UGT1A9: variants seen among roughly 807,000 people sequenced by gnomAD.
UGT1A9 encodes UDP-glucuronosyltransferase 1A9.
Under a neutral mutation model 45.0 loss-of-function variants are expected in UGT1A9, and 35 were observed. That is an observed-to-expected ratio of 0.78 (90% confidence interval 0.59 to 1.03). The LOEUF (loss-of-function observed/expected upper bound fraction) is 1.03, where lower values mean the gene tolerates loss of function less well. UGT1A9 is among the 50% of genes least tolerant of loss of function. The pLI, the probability that UGT1A9 is intolerant of heterozygous loss-of-function variation, is 0.00. For missense variants in UGT1A9, 687 were observed against 666.6 expected, an observed-to-expected ratio of 1.03 and a Z score of -0.34; for synonymous variants, 278 against 250.6, an observed-to-expected ratio of 1.11 and a Z score of -1.03.
At chr2:233,716,354 T>C (rs1201457600) in intron 1 of UGT1A9, among the ~76,000 whole-genome samples, 6 of 152,254 alleles carry the variant, frequency 3.9e-5, no homozygotes, top group Admixed American at 2.6e-4. Context: ...ACAATGTAGA[T>C]ACTTTGTGGG....
At chr2:233,764,552 G>A (rs1387908555) in intron 1 of UGT1A9, among the ~76,000 whole-genome samples, 1 of 152,132 alleles carries the variant, frequency 6.6e-6, no homozygotes, top group East Asian at 1.9e-4. Flanking sequence ...CGTGTGGGAG[G>A]GTGTGCCTGG....
At chr2:233,693,313 A>G (rs370458841) in intron 1 of UGT1A9, 16 of 1,614,100 alleles carry the variant, frequency 9.9e-6, no homozygotes, top group Non-Finnish European at 1.4e-5. Context: ...CTGAGCGATC[A>G]TTCCTAACTG....
At chr2:233,757,533 GGAA>G in intron 1 of UGT1A9, among the ~76,000 whole-genome samples, 1 of 52,410 alleles carries the variant, frequency 1.9e-5, no homozygotes, top group African/African-American at 1.3e-4. Context: ...TTGCCTGTAA[GGAA>G]TATATATATA....
chr2:233,671,917 C>T lies in UGT1A9; in HGVS notation c.-18C>T. On this transcript the variant is annotated 5_prime_UTR_variant, in exon 1 of 5. Transcript: ENST00000354728. ...GAGCTTAGATTCCCAGCTGCTTGCTCTCAGCTGCAGTTCTCTGATGGCTTG... is the reference window on the plus strand; with the variant it reads ...GAGCTTAGATTCCCAGCTGCTTGCTTTCAGCTGCAGTTCTCTGATGGCTTG... 1 of 1,587,944 alleles carries T rather than the reference C, an allele frequency of 6.3e-7. No individual in the cohort carries two copies.
intron 1 of UGT1A9, chr2:233,729,375 G>C: frequency 6.2e-7 from 1 of 1,614,010 alleles, no homozygotes; most frequent in Non-Finnish European, 8.5e-7. Context: ...ATGCCATTTC[G>C]TGGACCCAGG....
intron 1 of UGT1A9, chr2:233,692,834 T>C: frequency 6.2e-6 from 9 of 1,445,768 alleles, no homozygotes; most frequent in East Asian, 2.5e-5. Flanking sequence ...GTGATTAAAA[T>C]GGTTAAATAT....
chr2:233,742,429 C>T (rs1691973913), intron 1 of UGT1A9, among the ~76,000 whole-genome samples: 1 of 151,970 alleles, frequency 6.6e-6, no homozygotes, highest in Non-Finnish European at 1.5e-5. Flanking sequence ...AGCGGTTTTC[C>T]TCCCTGGGTG....
intron 1 of UGT1A9, chr2:233,760,580 A>T (rs1277566287): frequency 6.2e-7 from 1 of 1,614,094 alleles, no homozygotes; most frequent in African/African-American, 1.3e-5. Flanking sequence ...CTCGGGCATA[A>T]TGTTTTTGAG....
At chr2:233,747,498 C>T in intron 1 of UGT1A9, 3 of 1,608,498 alleles carry the variant, frequency 1.9e-6, no homozygotes, top group East Asian at 4.5e-5. Flanking sequence ...TGTGCTGGGC[C>T]ACACTCAACT....
intron 1 of UGT1A9, chr2:233,708,765 C>G (rs961432018): frequency 6.6e-6 from 1 of 152,024 alleles, no homozygotes; most frequent in Admixed American, 6.6e-5. Flanking sequence ...CCCACCCCCC[C>G]CCAAATCAAT....
chr2:233,701,523 C>T (rs1205561473), intron 1 of UGT1A9, among the ~76,000 whole-genome samples: 2 of 152,142 alleles, frequency 1.3e-5, no homozygotes, highest in African/African-American at 4.8e-5. Context: ...CTCTCCACCC[C>T]AAATCAACAG....
intron 1 of UGT1A9, among the ~76,000 whole-genome samples, chr2:233,726,606 T>C (rs1453810186): frequency 1.3e-5 from 2 of 152,194 alleles, no homozygotes; most frequent in Admixed American, 6.5e-5. Flanking sequence ...GTGATTACAC[T>C]GTCCTGCCCA....
chr2:233,685,645 C>T (rs2074748193), intron 1 of UGT1A9, among the ~76,000 whole-genome samples: 1 of 152,174 alleles, frequency 6.6e-6, no homozygotes, highest in Admixed American at 6.5e-5. Flanking sequence ...CGAACATATA[C>T]CAAGGAGAGG....
At chr2:233,760,338 G>C (rs753493472) in intron 1 of UGT1A9, 4 of 1,614,036 alleles carry the variant, frequency 2.5e-6, no homozygotes, top group Admixed American at 1.7e-5. Context: ...GCCTGCTGCT[G>C]TGTGTGCTGG....
chr2:233,729,990 T>G, intron 1 of UGT1A9: 1 of 1,614,036 alleles, frequency 6.2e-7, no homozygotes, highest in East Asian at 2.2e-5. Flanking sequence ...AGCCACTATC[T>G]CAGGTCTGTA....
intron 1 of UGT1A9, chr2:233,682,690 G>T: frequency 3.1e-6 from 5 of 1,613,814 alleles, no homozygotes; most frequent in Non-Finnish European, 4.2e-6. Context: ...CATCAATTTG[G>T]TTGTTGCGAA....
chr2:233,733,128 G>A (rs1348090612), intron 1 of UGT1A9, among the ~76,000 whole-genome samples: 1 of 152,132 alleles, frequency 6.6e-6, no homozygotes, highest in East Asian at 1.9e-4. Flanking sequence ...TTGGTGTATA[G>A]GAATGCTTGT....
intron 1 of UGT1A9, chr2:233,743,569 T>C (rs974809984): frequency 7.3e-7 from 1 of 1,367,258 alleles, no homozygotes; most frequent in Non-Finnish European, 9.8e-7. Context: ...CCAGCGGGTT[T>C]CCCAAGAGGT....
At chr2:233,747,112 G>A (rs896483290) in intron 1 of UGT1A9, 4 of 1,422,320 alleles carry the variant, frequency 2.8e-6, no homozygotes, top group African/African-American at 2.9e-5. Flanking sequence ...ATTACATGAT[G>A]ATTTGCTAAG....
Sources: allele counts gnomAD v4.1 joint callset (sites outside exome capture counted in the v4.1 genomes callset), GRCh38; gene constraint gnomAD v4.1.1; transcripts MANE v1.5; gene names NCBI Gene and HGNC (gene_info 2026-07-23, HGNC 2026-07-21).